Variants in BFAR observed in about 807,000 individuals in gnomAD.
BFAR encodes RING finger protein 47.
BFAR carries 52 observed loss-of-function variants against 54.4 expected under a neutral mutation model. The ratio of observed to expected loss-of-function variants is 0.96; its 90% CI spans 0.77 to 1.21. The LOEUF (loss-of-function observed/expected upper bound fraction) is 1.21. Among genes scored for constraint, BFAR ranks in the 50% most tolerant of loss-of-function variants. The probability of loss-of-function intolerance (pLI) is 0.00; values close to 1 mark genes in which losing one functional copy is unlikely to be tolerated. For missense variants in BFAR, 571 were observed against 534.0 expected, an observed-to-expected ratio of 1.07 and a Z score of -0.68; for synonymous variants, 215 against 204.3, an observed-to-expected ratio of 1.05 and a Z score of -0.45.
intron 4 of BFAR, among the ~76,000 whole-genome samples, chr16:14,654,436 C>T (rs1370489101): frequency 6.8e-6 from 1 of 146,542 alleles, no homozygotes; most frequent in African/African-American, 2.5e-5. Flanking sequence ...GGCTTAGGAA[C>T]AAAACAGACC....
At chr16:14,658,732 G>GAA (rs879331414) in intron 5 of BFAR, among the ~76,000 whole-genome samples, 138 of 134,966 alleles carry the variant, frequency 1.0e-3, no homozygotes, top group African/African-American at 3.4e-3. Context: ...GACTCCATCT[G>GAA]AAAAAAAAAA....
intron 1 of BFAR, chr16:14,633,590 A>C (rs981891197): frequency 8.5e-5 from 13 of 152,276 alleles, no homozygotes; most frequent in African/African-American, 2.9e-4. Flanking sequence ...GGGGCCAGGC[A>C]AGAACTCGGC....
chr16:14,636,459 A>G (rs1173620280), intron 1 of BFAR, among the ~76,000 whole-genome samples: 2 of 152,268 alleles, frequency 1.3e-5, no homozygotes, highest in Admixed American at 1.3e-4. Flanking sequence ...TTAGATATGC[A>G]TACACATAAA....
At chr16:14,639,062 G>A (rs1373928660) in intron 1 of BFAR, among the ~76,000 whole-genome samples, 1 of 152,124 alleles carries the variant, frequency 6.6e-6, no homozygotes, top group African/African-American at 2.4e-5. Flanking sequence ...GACAGCTAAA[G>A]AAGCAAACAG....
chr16:14,649,942 G>A lies in BFAR; in HGVS notation c.607G>A (p.Glu203Lys), dbSNP rs1959920608. ...QLGPWASLYR[E>K]RFLSERVNGR... ...GGGCCCTTGGGCATCTCTTTACAGG[G>A]AAAGGTTTTTATCTGAACGAGTAAA... The change falls in exon 4 of 8, where the codon GAA becomes AAA. Residue 203 changes from glutamate to lysine, a missense_variant. Coordinates refer to ENST00000261658, the MANE Select transcript of BFAR (RefSeq NM_016561.3). The A allele has an allele frequency of 6.2e-7, 1 of 1,612,524 alleles. No individual in the cohort carries two copies. The highest frequency in any genetic ancestry group is 8.5e-7 in the Non-Finnish European group (1 of 1,179,348).
At chr16:14,643,304 C>T (rs562116873) in intron 1 of BFAR, among the ~76,000 whole-genome samples, 1 of 149,788 alleles carries the variant, frequency 6.7e-6, no homozygotes, top group African/African-American at 2.5e-5. Context: ...AGTGAGACTT[C>T]GTCTCAAAAA....
intron 6 of BFAR, among the ~76,000 whole-genome samples, chr16:14,662,546 G>T (rs1338594822): frequency 6.6e-6 from 1 of 152,056 alleles, no homozygotes; most frequent in Non-Finnish European, 1.5e-5. Flanking sequence ...TTGAGATTGG[G>T]TCTCATTCTT....
chr16:14,663,969 C>T (rs1429344646), intron 6 of BFAR, among the ~76,000 whole-genome samples: 2 of 151,624 alleles, frequency 1.3e-5, no homozygotes, highest in Admixed American at 6.6e-5. Context: ...CGGCCGGGTG[C>T]GGTGGTTCAC....
intron 2 of BFAR, among the ~76,000 whole-genome samples, chr16:14,647,170 C>T (rs954804890): frequency 2.0e-5 from 3 of 151,994 alleles, no homozygotes; most frequent in Non-Finnish European, 2.9e-5. Context: ...CTGCAACCTC[C>T]TCCTCCCAGG....
chr16:14,664,942 T>TAG lies in BFAR; in HGVS notation c.1031_1032insAG (p.Ala345ValfsTer43), dbSNP rs1567496909. 2 of 1,613,730 alleles carry TAG rather than the reference T, an allele frequency of 1.2e-6. No individual in the cohort carries two copies. Among genetic ancestry groups the TAG allele is most frequent in the South Asian group, 2.2e-5 (2 of 91,084 alleles). On this transcript the variant is annotated frameshift_variant, in exon 7 of 8. Transcript: ENST00000261658. LOFTEE classifies it high-confidence loss of function. Reference sequence around the variant, plus strand: ...TACTCCTTCCTTCCATACCAGCTGATTGCTGAGTTTGCTTGGGACTGGTTG... The same window carrying TAG: ...TACTCCTTCCTTCCATACCAGCTGATAGTGCTGAGTTTGCTTGGGACTGGTTG...
Position 14,655,061 on chromosome 16 carries a change from T to C in BFAR, c.639-5T>C. The C allele has an allele frequency of 6.2e-7, 1 of 1,602,190 alleles. No individual in the cohort carries two copies. The highest frequency in any genetic ancestry group is 1.1e-5 in the South Asian group (1 of 88,678). ...CAAAATAAATCTCCTCCTGCCCCTC[T>C]ACAGGTTGCTTTTAACTTTGACAGA... On this transcript the variant is annotated splice_region_variant and splice_polypyrimidine_tract_variant and intron_variant, in intron 4 of 7. Coordinates refer to ENST00000261658, the MANE Select transcript of BFAR (RefSeq NM_016561.3).
At chr16:14,653,433 T>A (rs1255806106) in intron 4 of BFAR, among the ~76,000 whole-genome samples, 1 of 152,122 alleles carries the variant, frequency 6.6e-6, no homozygotes, top group Non-Finnish European at 1.5e-5. Context: ...GTTCAAGCGA[T>A]TCTCCTGCTT....
Position 14,648,385 on chromosome 16 carries a change from T to G in BFAR, c.264-3T>G, listed in dbSNP as rs1437001753. The G allele has an allele frequency of 1.9e-6, 3 of 1,607,464 alleles. No individual in the cohort carries two copies. Among genetic ancestry groups the G allele is most frequent in the Non-Finnish European group, 2.6e-6 (3 of 1,174,548 alleles). The stretch of plus-strand genomic sequence containing the variant: ...CTTAATTTTTTTTTTCTATTCTCCA[T>G]AGGGATGCCATTGAAAAGTTATTTC... On this transcript the variant is annotated splice_region_variant and splice_polypyrimidine_tract_variant and intron_variant, in intron 2 of 7. Transcript: ENST00000261658.
chr16:14,667,177 AAAT>A (rs34762021), intron 7 of BFAR: 19 of 149,736 alleles, frequency 1.3e-4, no homozygotes, highest in East Asian at 3.9e-4. Context: ...TCCCTACTTA[AAAT>A]AATAATAATA....
At chr16:14,640,687 C>T (rs1007860208) in intron 1 of BFAR, among the ~76,000 whole-genome samples, 1 of 152,154 alleles carries the variant, frequency 6.6e-6, no homozygotes, top group African/African-American at 2.4e-5. Context: ...GATGCGTCAC[C>T]GTGGTGAGGC....
chr16:14,650,141 A>T (rs1280423766), intron 4 of BFAR, 168 bp downstream of exon 4: 21 of 552,150 alleles, frequency 3.8e-5, no homozygotes, highest in Non-Finnish European at 5.4e-5. Context: ...GACCAATATG[A>T]TGAAACCCCA....
intron 1 of BFAR, 125 bp from the exon 2 acceptor site, chr16:14,644,149 C>G: frequency 1.7e-6 from 1 of 597,334 alleles, no homozygotes. Flanking sequence ...GGCCAGAGAG[C>G]AAGACTGTGT....
At chr16:14,633,812 CCGG>C in intron 1 of BFAR, among the ~76,000 whole-genome samples, 1 of 152,176 alleles carries the variant, frequency 6.6e-6, no homozygotes, top group East Asian at 1.9e-4. Context: ...GTAACCACGC[CCGG>C]CTGATTTTTG....
At chr16:14,638,943 CAAAA>C (rs1248036341) in intron 1 of BFAR, among the ~76,000 whole-genome samples, 1 of 142,876 alleles carries the variant, frequency 7.0e-6, no homozygotes, top group African/African-American at 2.6e-5. Context: ...AGACTTGTCT[CAAAA>C]AGAAAAAAAA....
Sources: allele counts gnomAD v4.1 joint callset (sites outside exome capture counted in the v4.1 genomes callset), GRCh38; gene constraint gnomAD v4.1.1; transcripts MANE v1.5; gene names NCBI Gene and HGNC (gene_info 2026-07-23, HGNC 2026-07-21).